Variants in ASH1L observed in about 807,000 individuals in gnomAD.
The protein encoded by ASH1L is histone-lysine N-methyltransferase ASH1L.
ASH1L carries 23 observed loss-of-function variants against 269.0 expected under a neutral mutation model. That is an observed-to-expected ratio of 0.09 (90% CI 0.06 to 0.12). The LOEUF (loss-of-function observed/expected upper bound fraction) is 0.12, where lower values mean the gene tolerates loss of function less well. ASH1L is among the 10% of genes least tolerant of loss of function. The pLI is 1.00. For missense variants in ASH1L, 2,912 were observed against 3,567.8 expected (o/e 0.82, Z 4.68); for synonymous variants, 1,187 against 1,253.5 (o/e 0.95, Z 1.12).
intron 5 of ASH1L, chr1:155,433,859 T>G (rs768629049): frequency 6.2e-7 from 1 of 1,605,628 alleles, no homozygotes; most frequent in Non-Finnish European, 8.5e-7. Context: ...AGAAACCCTC[T>G]TGCAGGCTCG....
Position 155,438,554 on chromosome 1 carries a change from G to C in ASH1L, c.5601C>G (p.Phe1867Leu). Residue 1867 changes from phenylalanine to leucine, a missense_variant, in exon 5 of 28, where the codon TTC (phenylalanine) becomes TTG (leucine). Around this residue, in one of 13 missense-constraint regions of ASH1L, gnomAD observed 789 missense variants for 897.6 expected, o/e 0.88. Transcript: ENST00000392403. The part of the protein sequence containing the change: ...PLQAVVSMQA[F>L]QAAQFVNPEL... ...CTGGGTTGACAAACTGAGCAGCCTG[G>C]AATGCTTGCATTGATACGACAGCCT... 1 of 1,613,902 alleles carries C rather than the reference G, an allele frequency of 6.2e-7. No individual in the cohort carries two copies. Among genetic ancestry groups the C allele is most frequent in the Non-Finnish European group, 8.5e-7 (1 of 1,179,930 alleles).
chr1:155,474,436 G>A (rs1029239675), intron 3 of ASH1L, among the ~76,000 whole-genome samples: 1 of 152,094 alleles, frequency 6.6e-6, no homozygotes, highest in African/African-American at 2.4e-5. Flanking sequence ...GGTGACTCAG[G>A]CCTATAATCC....
intron 12 of ASH1L, among the ~76,000 whole-genome samples, chr1:155,362,624 A>C (rs911940416): frequency 2.0e-5 from 3 of 152,172 alleles, no homozygotes; most frequent in African/African-American, 7.2e-5. Context: ...TCAAATTGAC[A>C]TTGTGGCTTC....
At chr1:155,444,789 T>C (rs146230757) in intron 4 of ASH1L, among the ~76,000 whole-genome samples, 2,464 of 140,076 alleles carry the variant, frequency 0.018, 35 homozygotes, top group Non-Finnish European at 0.026. Flanking sequence ...GCTAATTTTT[T>C]TGTATTTTTA....
chr1:155,404,661 G>C (rs1167158172), intron 6 of ASH1L, among the ~76,000 whole-genome samples: 10 of 152,130 alleles, frequency 6.6e-5, no homozygotes, highest in Non-Finnish European at 1.5e-5. Context: ...ACATCTGTCA[G>C]GGTAAACTGG....
chr1:155,397,787 C>G (rs571437859), intron 6 of ASH1L, among the ~76,000 whole-genome samples: 1 of 152,216 alleles, frequency 6.6e-6, no homozygotes, highest in South Asian at 2.1e-4. Context: ...GTCTTGAACT[C>G]CTGACCTCAG....
chr1:155,387,653 G>T (rs1393221916), intron 7 of ASH1L, among the ~76,000 whole-genome samples: 2 of 152,054 alleles, frequency 1.3e-5, no homozygotes, highest in African/African-American at 4.8e-5. Flanking sequence ...TGTTAAAATA[G>T]TTTTTTTCTA....
At chr1:155,530,473 C>G (rs1669594249) in intron 1 of ASH1L, among the ~76,000 whole-genome samples, 1 of 152,046 alleles carries the variant, frequency 6.6e-6, no homozygotes, top group Non-Finnish European at 1.5e-5. Flanking sequence ...CGCCTGTAAT[C>G]CCAGCACTTT....
chr1:155,344,353 A>G lies in ASH1L; in HGVS notation c.7891-80T>C, dbSNP rs1047090743. ...CTTATTTCTCAACCTAGAATTCTCA[A>G]TCAAAACTTACTGTTTAGTCATTTC... On this transcript the variant is annotated intron_variant, in intron 21 of 27. Coordinates refer to ENST00000392403, the MANE Select transcript of ASH1L (RefSeq NM_018489.3). 9.3e-6 allele frequency: 10 copies of G among 1,071,208 alleles called. No individual in the cohort carries two copies. In the South Asian group the frequency reaches 9.5e-5, roughly 10 times the overall value. The allele number at this position is 1,071,208 out of a possible 1,614,324, so 66.4% of individuals were successfully genotyped here.
intron 21 of ASH1L, 28 bp from the exon 22 acceptor site, chr1:155,344,301 AG>A (rs1375037751): frequency 6.5e-7 from 1 of 1,546,536 alleles, no homozygotes; most frequent in Middle Eastern, 1.7e-4. Flanking sequence ...CCAATGTATA[AG>A]GGCTGGAATT....
intron 19 of ASH1L, 85 bp downstream of exon 19, chr1:155,349,242 T>C (rs1313090334): frequency 4.1e-6 from 6 of 1,462,824 alleles, no homozygotes; most frequent in Non-Finnish European, 4.6e-6. Context: ...ATATGGCTGA[T>C]AGAGGAGGGT....
rs2148707184 is a variant in ASH1L at position 155,473,300 on chromosome 1, C to T, written c.4984+4586G>A. On this transcript the variant is annotated intron_variant, in intron 3 of 27. Transcript: ENST00000392403. ...CAAGTGTTTTTATTGTGTGGCTTCT[C>T]TCAATGTTTGTACAAAAGAAACAAA... Among the ~76,000 whole-genome samples, 3 of 152,216 alleles carry T rather than the reference C, an allele frequency of 2.0e-5. No homozygotes were observed. The South Asian group carries it at 6.2e-4, about 32-fold the overall frequency.
At chr1:155,377,570 AAAC>A (rs1411186361) in intron 10 of ASH1L, among the ~76,000 whole-genome samples, 1 of 151,440 alleles carries the variant, frequency 6.6e-6, no homozygotes, top group Non-Finnish European at 1.5e-5. Context: ...TCTCTAAAAA[AAAC>A]AAAACAAAAC....
At chr1:155,555,644 G>A (rs909447731) in intron 1 of ASH1L, among the ~76,000 whole-genome samples, 1 of 152,026 alleles carries the variant, frequency 6.6e-6, no homozygotes, top group African/African-American at 2.4e-5. Context: ...AAGCTGATAA[G>A]CTATTCTGAA....
chr1:155,465,289 CAAAAAAAA>C (rs1171228344), intron 3 of ASH1L, among the ~76,000 whole-genome samples: 7 of 62,574 alleles, frequency 1.1e-4, no homozygotes, highest in East Asian at 9.1e-4. Context: ...TACAAATTAG[CAAAAAAAA>C]AAAAAAAAAA....
intron 6 of ASH1L, among the ~76,000 whole-genome samples, chr1:155,400,625 T>C (rs1288031867): frequency 6.6e-6 from 1 of 152,126 alleles, no homozygotes; most frequent in Non-Finnish European, 1.5e-5. Context: ...TAACCACAAA[T>C]GACAATTCTA....
chr1:155,415,429 T>A (rs1660132377), intron 6 of ASH1L, among the ~76,000 whole-genome samples: 1 of 149,014 alleles, frequency 6.7e-6, no homozygotes, highest in African/African-American at 2.5e-5. Context: ...ATCATTAGAA[T>A]CTCAATCTAG....
At chr1:155,440,185 G>A (rs139185537) in intron 4 of ASH1L, among the ~76,000 whole-genome samples, 12 of 152,112 alleles carry the variant, frequency 7.9e-5, no homozygotes, top group Non-Finnish European at 1.3e-4. Context: ...TCCTGTACCC[G>A]TAGTCCTATC....
At chr1:155,392,480 AT>A (rs904946912) in intron 7 of ASH1L, among the ~76,000 whole-genome samples, 5 of 151,800 alleles carry the variant, frequency 3.3e-5, no homozygotes, top group Admixed American at 6.6e-5. Flanking sequence ...CAGTTGATGC[AT>A]TTTTTTCTTA....
Sources: allele counts gnomAD v4.1 joint callset (sites outside exome capture counted in the v4.1 genomes callset), GRCh38; gene constraint gnomAD v4.1.1; regional missense constraint gnomAD v4.1.1; transcripts MANE v1.5; gene names NCBI Gene and HGNC (gene_info 2026-07-23, HGNC 2026-07-21).